RAPGEF6: variants seen among roughly 807,000 people sequenced by gnomAD.
RAPGEF6 encodes the protein Rap guanine nucleotide exchange factor 6.
In RAPGEF6, 56 loss-of-function variants were observed where a neutral mutation model predicts 171.4. The ratio of observed to expected loss-of-function variants is 0.33; its 90% CI spans 0.26 to 0.41. The LOEUF (loss-of-function observed/expected upper bound fraction) is 0.41. Ranked by LOEUF, RAPGEF6 falls within the 10% of genes least tolerant of loss-of-function variation. The probability of loss-of-function intolerance (pLI) is 1.00; values close to 1 mark genes in which losing one functional copy is unlikely to be tolerated. For synonymous variants in RAPGEF6, 692 were observed against 650.1 expected (o/e 1.06, Z -0.98); for missense variants, 1,674 against 1,921.4 (o/e 0.87, Z 2.41).
chr5:131,573,478 C>A (rs908179088), intron 4 of RAPGEF6, among the ~76,000 whole-genome samples: 7 of 152,014 alleles, frequency 4.6e-5, no homozygotes, highest in African/African-American at 7.2e-5. Flanking sequence ...TGGAGTCACT[C>A]CATTTAAATG....
rs759204384 is a variant in RAPGEF6, at chr5:131,521,461, C to G, written c.556G>C (p.Val186Leu). ...TENPHPQVTH[V>L]SSSQSGCSIA... Reference sequence around the variant, plus strand: ...CTACAACCAGACTGACTAGAAGACACATGAGTCACCTGTGGATGAGGGTTT... The same window carrying G: ...CTACAACCAGACTGACTAGAAGACAGATGAGTCACCTGTGGATGAGGGTTT... The change falls in exon 7 of 28, where the codon GTG becomes CTG. Residue 186 changes from valine (V) to leucine (L), a missense_variant. Val to Leu is a conservative substitution (Grantham distance 32). Around this residue, in one of 3 missense-constraint regions of RAPGEF6, gnomAD observed 1,116 missense variants for 1,321.5 expected, o/e 0.84. Transcript: ENST00000509018. 1.2e-6 allele frequency: 2 copies of G among 1,612,408 alleles called. No homozygotes were observed. The highest frequency in any genetic ancestry group is 2.7e-5 in the African/African-American group (2 of 74,796).
At chr5:131,487,535 A>G (rs1306635107) in intron 15 of RAPGEF6, among the ~76,000 whole-genome samples, 1 of 151,938 alleles carries the variant, frequency 6.6e-6, no homozygotes, top group Non-Finnish European at 1.5e-5. Context: ...GTTTTTACAG[A>G]GTGCTGATTG....
rs780160534 is a variant in RAPGEF6 at position 131,430,701 on chromosome 5, CCATGAATT to C, written c.4465+150_4465+157del. 1.3e-5 allele frequency: 14 copies of C among 1,051,070 alleles called. No individual in the cohort carries two copies. The East Asian group carries it at 3.1e-4, about 23-fold the overall frequency. The allele number at this position is 1,051,070 out of a possible 1,614,324, so 65.1% of individuals were successfully genotyped here. A position where few individuals can be genotyped will look rare whatever the true frequency, so the allele number is the denominator to read the frequency against. ...TAGCTGCTCCAAAGTCTTTGAGAAA[CCATGAATT>C]TTTGGGAAATAACTTGTTTGTTTGT... is the stretch of plus-strand genomic sequence containing the variant. On this transcript the variant is annotated intron_variant, in intron 26 of 27. Coordinates refer to ENST00000509018, the MANE Select transcript of RAPGEF6 (RefSeq NM_016340.6).
intron 5 of RAPGEF6, among the ~76,000 whole-genome samples, chr5:131,557,637 T>A (rs937470469): frequency 2.0e-5 from 3 of 152,198 alleles, no homozygotes; most frequent in African/African-American, 4.8e-5. Context: ...AAGTTTTCAA[T>A]GTTTATTATA....
Position 131,489,641 on chromosome 5 carries a change from T to C in RAPGEF6, c.1745A>G (p.Asn582Ser). 1 of 1,546,472 alleles carries C rather than the reference T, an allele frequency of 6.5e-7. No homozygotes were observed. Among genetic ancestry groups the C allele is most frequent in the Non-Finnish European group, 8.9e-7 (1 of 1,127,486 alleles). The change falls in exon 15 of 28, where the codon AAT (asparagine) becomes AGT (serine). Residue 582 changes from asparagine to serine, a missense_variant. Physicochemically the swap from Asn to Ser is conservative, Grantham distance 46. This residue lies in a region of RAPGEF6 where 1,116 missense variants were observed against 1,321.5 expected (regional missense o/e 0.84). Coordinates refer to ENST00000509018, the MANE Select transcript of RAPGEF6 (RefSeq NM_016340.6). ...LKRGDQIMEV[N>S]GQNFENITFM... ...TGTAATATTCTCAAAGTTTTGTCCA[T>C]TTACTTCCATAATCTTAAAAGTATT... is the stretch of plus-strand genomic sequence containing the variant.
chr5:131,561,876 AG>A, intron 5 of RAPGEF6, 101 bp downstream of exon 5: 1 of 836,070 alleles, frequency 1.2e-6, no homozygotes, highest in African/African-American at 1.8e-5. Context: ...AATCTCTAAA[AG>A]GTCATAGTAA....
At chr5:131,569,088 T>C (rs1244518902) in intron 4 of RAPGEF6, among the ~76,000 whole-genome samples, 1 of 152,158 alleles carries the variant, frequency 6.6e-6, no homozygotes. Flanking sequence ...AAGATAAATA[T>C]ATGCAGAAGC....
chr5:131,624,466 G>A (rs1765784242), intron 1 of RAPGEF6, among the ~76,000 whole-genome samples: 1 of 152,146 alleles, frequency 6.6e-6, no homozygotes, highest in Non-Finnish European at 1.5e-5. Context: ...AAAGAACCAA[G>A]GTAGCTTCAT....
At chr5:131,526,968 A>C (rs149299026) in intron 6 of RAPGEF6, among the ~76,000 whole-genome samples, 114 of 152,296 alleles carry the variant, frequency 7.5e-4, no homozygotes, top group South Asian at 6.4e-3. Flanking sequence ...AGAGGTATTG[A>C]GAAAAGGCTA....
chr5:131,489,410 C>G, intron 15 of RAPGEF6, 136 bp downstream of exon 15: 1 of 613,984 alleles, frequency 1.6e-6, no homozygotes, highest in Non-Finnish European at 2.9e-6. Flanking sequence ...TAGTTCAAAA[C>G]TAAAGATTCT....
At chr5:131,607,049 C>G (rs1764643336) in intron 1 of RAPGEF6, among the ~76,000 whole-genome samples, 1 of 152,158 alleles carries the variant, frequency 6.6e-6, no homozygotes, top group Non-Finnish European at 1.5e-5. Context: ...TAATAATGGT[C>G]ATTCCCCACT....
intron 15 of RAPGEF6, among the ~76,000 whole-genome samples, chr5:131,483,754 C>T (rs1755662731): frequency 6.6e-6 from 1 of 151,924 alleles, no homozygotes; most frequent in South Asian, 2.1e-4. Flanking sequence ...ATAAAGTGGT[C>T]AAACAAGTCA....
In RAPGEF6 at chr5:131,521,905, T is replaced by TCA. The variant is rs1580963358; in HGVS notation, c.496-386_496-385dup. ...CACACACACACACTCTCTCTCTCTC[T>TCA]CACACACACACTCACTCTCCCTCCC... On this transcript the variant is annotated intron_variant, in intron 6 of 27. Coordinates refer to ENST00000509018, the MANE Select transcript of RAPGEF6 (RefSeq NM_016340.6). Among the ~76,000 whole-genome samples, 12 of 122,812 alleles carry TCA rather than the reference T, an allele frequency of 9.8e-5. No homozygotes were observed. The East Asian group carries it at 2.1e-3, about 22-fold the overall frequency. 80.6% of individuals were successfully genotyped at this position (122,812 alleles called of 152,430 possible). A position where few individuals can be genotyped will look rare whatever the true frequency, so the allele number is the denominator to read the frequency against.
At chr5:131,463,394 C>T (rs1754077646) in intron 18 of RAPGEF6, among the ~76,000 whole-genome samples, 1 of 152,004 alleles carries the variant, frequency 6.6e-6, no homozygotes. Flanking sequence ...GCCTGGCCAA[C>T]ACGGTGAAAC....
At position 131,439,713 on chromosome 5, in the gene RAPGEF6, T is replaced by C. The variant is rs754944928; in HGVS notation, c.3613A>G (p.Thr1205Ala). ...KGQTKDPALN[T>A]SLPQKVLGTT... The stretch of plus-strand genomic sequence containing the variant: ...CCTAAAACTTTCTGAGGTAAACTTG[T>C]ATCTAAAAATAAAACCAAAGATGCA... The change falls in exon 24 of 28, where the codon ACA (threonine) becomes GCA (alanine). Residue 1205 changes from threonine (T) to alanine (A), a missense_variant and splice_region_variant. Around this residue, in one of 3 missense-constraint regions of RAPGEF6, gnomAD observed 552 missense variants for 574.2 expected, o/e 0.96. Transcript: ENST00000509018. 1.9e-6 allele frequency: 3 copies of C among 1,608,934 alleles called. No homozygotes were observed. Among genetic ancestry groups the C allele is most frequent in the South Asian group, 1.1e-5 (1 of 89,996 alleles).
intron 16 of RAPGEF6, 31 bp from the exon 17 acceptor site, chr5:131,472,775 G>GT (rs1754839125): frequency 1.3e-6 from 2 of 1,560,018 alleles, no homozygotes; most frequent in Admixed American, 3.4e-5. Flanking sequence ...TCACTTTAAA[G>GT]TATTTGAGAG....
At chr5:131,613,556 C>T (rs1178205852) in intron 1 of RAPGEF6, among the ~76,000 whole-genome samples, 1 of 152,048 alleles carries the variant, frequency 6.6e-6, no homozygotes. Flanking sequence ...TTTTTTATCA[C>T]AACTATTTAG....
chr5:131,457,550 A>T (rs529914811), intron 19 of RAPGEF6, among the ~76,000 whole-genome samples: 5 of 152,382 alleles, frequency 3.3e-5, no homozygotes, highest in Admixed American at 6.5e-5. Flanking sequence ...GCTACCGTGG[A>T]ATACTGCTGC....
intron 13 of RAPGEF6, among the ~76,000 whole-genome samples, chr5:131,495,069 CG>C (rs1756543222): frequency 6.6e-6 from 1 of 152,006 alleles, no homozygotes; most frequent in South Asian, 2.1e-4. Context: ...CCGAGGCGGG[CG>C]GATCACGAGG....
Sources: gnomAD v4.1 joint callset for allele counts (sites outside exome capture counted in the v4.1 genomes callset) on GRCh38, gnomAD v4.1.1 for gene constraint, gnomAD v4.1.1 regional missense constraint, MANE v1.5 for transcripts, NCBI Gene and HGNC (gene_info 2026-07-23, HGNC 2026-07-21) for gene names.